Variants in MTMR8 observed in about 807,000 individuals in gnomAD.
MTMR8 encodes myotubularin related protein 8.
MTMR8 carries 65 observed loss-of-function variants against 39.3 expected under a neutral mutation model. The observed-to-expected ratio is 1.65, with a 90% CI of 1.35 to 2.03. The LOEUF is 2.03. Among genes scored for constraint, MTMR8 ranks in the 30% most tolerant of loss-of-function variants. The probability of loss-of-function intolerance (pLI) is 0.00; values close to 1 mark genes in which losing one functional copy is unlikely to be tolerated. For synonymous variants in MTMR8, 245 were observed against 185.2 expected, an observed-to-expected ratio of 1.32 and a Z score of -2.62; for missense variants, 777 against 538.9, an observed-to-expected ratio of 1.44 and a Z score of -4.37.
intron 12 of MTMR8, among the ~76,000 whole-genome samples, chrX:64,286,580 T>G (rs1921186499): frequency 8.9e-6 from 1 of 111,843 alleles, no homozygotes; most frequent in African/African-American, 3.2e-5. Flanking sequence ...ACTGGCAAAC[T>G]GAATCCAGCA....
Position 64,312,613 on chromosome X carries a change from A to G in MTMR8, c.1481+16159T>C, listed in dbSNP as rs759299975. The stretch of plus-strand genomic sequence containing the variant: ...CCGCCCAAAATCATGAATATTCTTA[A>G]TGGCATCTAGAATAGTGAATTGTTC... On this transcript the variant is annotated intron_variant, in intron 12 of 13. Coordinates refer to ENST00000374852, the MANE Select transcript of MTMR8 (RefSeq NM_017677.4). Among the ~76,000 whole-genome samples the G allele has an allele frequency of 4.1e-4, 46 of 112,862 alleles. 1 individual carries two copies. The highest frequency in any genetic ancestry group is 1.4e-3 in the African/African-American group (43 of 31,142).
Position 64,336,132 on chromosome X carries a change from C to A in MTMR8, c.1102-4G>T, listed in dbSNP as rs376795524. 1 of 1,177,455 alleles carries A rather than the reference C, an allele frequency of 8.5e-7. No homozygotes were observed. Among genetic ancestry groups the A allele is most frequent in the Non-Finnish European group, 1.1e-6 (1 of 873,383 alleles). ...TCCATTCCTTCTCTATCAAGATCTT[C>A]ATTTTATAGAAAAGAAAGTGTTTGC... On this transcript the variant is annotated splice_region_variant and splice_polypyrimidine_tract_variant and intron_variant, in intron 9 of 13. Coordinates refer to ENST00000374852, the MANE Select transcript of MTMR8 (RefSeq NM_017677.4).
At chrX:64,293,902 T>C (rs1921480851) in intron 12 of MTMR8, among the ~76,000 whole-genome samples, 1 of 111,958 alleles carries the variant, frequency 8.9e-6, no homozygotes, top group East Asian at 2.8e-4. Flanking sequence ...TTGAATGGAC[T>C]TCTTCAATCA....
chrX:64,348,927 A>T (rs868484065), intron 5 of MTMR8, 133 bp from the exon 6 acceptor site: 2 of 692,075 alleles, frequency 2.9e-6, no homozygotes, highest in Middle Eastern at 8.4e-4. Flanking sequence ...GCAAAGAGAA[A>T]TGTGACTCTA....
chrX:64,359,050 A>C (rs1023773198), intron 2 of MTMR8, among the ~76,000 whole-genome samples: 1 of 111,239 alleles, frequency 9.0e-6, no homozygotes, highest in Admixed American at 9.6e-5. Flanking sequence ...CATACGCTAC[A>C]GATGCTGCTG....
At chrX:64,366,802 T>A (rs1214890483) in intron 1 of MTMR8, among the ~76,000 whole-genome samples, 7 of 111,227 alleles carry the variant, frequency 6.3e-5, no homozygotes, top group Non-Finnish European at 1.3e-4. Context: ...TTCAAAAAAA[T>A]CAATGAATCC....
At chrX:64,381,320 T>TA (rs764304766) in intron 1 of MTMR8, among the ~76,000 whole-genome samples, 1 of 112,255 alleles carries the variant, frequency 8.9e-6, no homozygotes, top group South Asian at 3.7e-4. Flanking sequence ...CATTGTGGTT[T>TA]AAAACAATGT....
At chrX:64,283,773 A>C (rs1485915236) in intron 12 of MTMR8, among the ~76,000 whole-genome samples, 1 of 112,777 alleles carries the variant, frequency 8.9e-6, no homozygotes, top group East Asian at 2.8e-4. Flanking sequence ...CCTGACTGTT[A>C]AAAGGAAAAC....
chrX:64,350,101 T>C (rs746453188), intron 4 of MTMR8, 31 bp from the exon 5 acceptor site: 1 of 840,561 alleles, frequency 1.2e-6, no homozygotes, highest in South Asian at 4.8e-5. Context: ...TATATATAAA[T>C]ATATATTTAT....
At chrX:64,318,560 C>G (rs562818392) in intron 12 of MTMR8, among the ~76,000 whole-genome samples, 1 of 111,172 alleles carries the variant, frequency 9.0e-6, no homozygotes. Flanking sequence ...CCTAGTCAAT[C>G]TGCCTTCTAC....
At chrX:64,337,538 T>C in intron 8 of MTMR8, 145 bp from the exon 9 acceptor site, 4 of 582,704 alleles carry the variant, frequency 6.9e-6, no homozygotes, top group Non-Finnish European at 1.1e-5. Flanking sequence ...TAACATCCTC[T>C]ATGGGGAATG....
At chrX:64,284,748 A>G (rs1208103442) in intron 12 of MTMR8, among the ~76,000 whole-genome samples, 2 of 111,514 alleles carry the variant, frequency 1.8e-5, no homozygotes, top group African/African-American at 6.6e-5. Flanking sequence ...AAGGAGAAAT[A>G]AAATCCTTTA....
At chrX:64,287,808 A>C (rs1331054892) in intron 12 of MTMR8, among the ~76,000 whole-genome samples, 1 of 106,319 alleles carries the variant, frequency 9.4e-6, no homozygotes, top group Non-Finnish European at 1.9e-5. Context: ...CTTATACAAA[A>C]ATTAATTCAA....
intron 8 of MTMR8, among the ~76,000 whole-genome samples, chrX:64,337,942 A>T (rs1026390106): frequency 1.8e-5 from 2 of 112,010 alleles, no homozygotes; most frequent in African/African-American, 6.5e-5. Context: ...GTACATATTG[A>T]CCACTCATTT....
At chrX:64,304,348 G>A (rs1041771691) in intron 12 of MTMR8, among the ~76,000 whole-genome samples, 153 of 111,861 alleles carry the variant, frequency 1.4e-3, no homozygotes, top group African/African-American at 4.8e-3. Flanking sequence ...AAGCTTGCAT[G>A]TGTTCACATA....
chrX:64,364,316 C>A (rs950252282), intron 1 of MTMR8, among the ~76,000 whole-genome samples: 1 of 112,438 alleles, frequency 8.9e-6, no homozygotes, highest in African/African-American at 3.2e-5. Context: ...TGTAGCCTAA[C>A]TGGGAGACAC....
intron 1 of MTMR8, among the ~76,000 whole-genome samples, chrX:64,385,183 C>T (rs780357041): frequency 1.9e-4 from 21 of 112,448 alleles, no homozygotes; most frequent in African/African-American, 6.8e-4. Flanking sequence ...CAGCCAAGTT[C>T]TTTGCTAAGG....
intron 1 of MTMR8, among the ~76,000 whole-genome samples, chrX:64,386,726 G>T (rs1342888116): frequency 1.8e-5 from 2 of 111,697 alleles, no homozygotes; most frequent in African/African-American, 6.5e-5. Context: ...TTTGGTGAAA[G>T]CATGTCATCA....
At chrX:64,349,103 C>T (rs1443285341) in intron 5 of MTMR8, among the ~76,000 whole-genome samples, 1 of 111,143 alleles carries the variant, frequency 9.0e-6, no homozygotes, top group Admixed American at 9.6e-5. Flanking sequence ...TTTCTGAAAC[C>T]GCCTCACTTT....
Sources: allele counts gnomAD v4.1 joint callset (sites outside exome capture counted in the v4.1 genomes callset), GRCh38; gene constraint gnomAD v4.1.1; transcripts MANE v1.5; gene names NCBI Gene and HGNC (gene_info 2026-07-23, HGNC 2026-07-21).